The following SWAP70 variants were observed in gnomAD, a reference collection of about 807,000 sequenced individuals.
SWAP70 encodes the protein switching B cell complex subunit SWAP70.
SWAP70 carries 34 observed loss-of-function variants against 80.2 expected under a neutral mutation model. The ratio of observed to expected loss-of-function variants is 0.42; its 90% CI spans 0.32 to 0.56. The LOEUF is 0.56. SWAP70 is among the 20% of genes least tolerant of loss of function. The pLI is 0.09. For synonymous variants in SWAP70, 239 were observed against 238.5 expected (o/e 1.00, Z -0.02); for missense variants, 578 against 690.7 (o/e 0.84, Z 1.83).
intron 1 of SWAP70, among the ~76,000 whole-genome samples, chr11:9,683,838 G>T (rs1850597803): frequency 6.6e-6 from 1 of 152,040 alleles, no homozygotes; most frequent in African/African-American, 2.4e-5. Flanking sequence ...TACTTGAGGG[G>T]GCATCTGAGT....
chr11:9,718,316 AG>A (rs917194372), intron 3 of SWAP70, among the ~76,000 whole-genome samples: 13 of 152,206 alleles, frequency 8.5e-5, no homozygotes, highest in African/African-American at 2.7e-4. Flanking sequence ...CTCTGGGGCC[AG>A]GAGTGCTTGT....
At chr11:9,724,320 C>G (rs1400939386) in intron 3 of SWAP70, among the ~76,000 whole-genome samples, 2 of 152,158 alleles carry the variant, frequency 1.3e-5, no homozygotes, top group Non-Finnish European at 2.9e-5. Context: ...GACTAATGTT[C>G]TGATATATTG....
intron 2 of SWAP70, among the ~76,000 whole-genome samples, chr11:9,705,170 T>C (rs1375320973): frequency 8.5e-6 from 1 of 117,878 alleles, no homozygotes; most frequent in Non-Finnish European, 1.9e-5. Flanking sequence ...GTGATATGTA[T>C]ATACTTGGTG....
chr11:9,671,616 ATTTC>A (rs1850397991), intron 1 of SWAP70, among the ~76,000 whole-genome samples: 1 of 79,444 alleles, frequency 1.3e-5, no homozygotes. Flanking sequence ...ATAGAAATAT[ATTTC>A]TATATAAATA....
At chr11:9,704,025 C>T (rs1283117937) in intron 2 of SWAP70, among the ~76,000 whole-genome samples, 1 of 152,124 alleles carries the variant, frequency 6.6e-6, no homozygotes, top group African/African-American at 2.4e-5. Context: ...ATATAATTCA[C>T]ATAACATAAA....
At chr11:9,726,132 A>G (rs1016612385) in intron 4 of SWAP70, among the ~76,000 whole-genome samples, 3 of 151,936 alleles carry the variant, frequency 2.0e-5, no homozygotes, top group Admixed American at 6.6e-5. Context: ...ATATGATTTT[A>G]TATTATTTTT....
intron 9 of SWAP70, among the ~76,000 whole-genome samples, chr11:9,742,596 A>G (rs1851455423): frequency 6.6e-6 from 1 of 152,114 alleles, no homozygotes; most frequent in African/African-American, 2.4e-5. Flanking sequence ...CGGTCTCCCA[A>G]AGTGCTGGGA....
intron 6 of SWAP70, among the ~76,000 whole-genome samples, chr11:9,731,962 G>C (rs997447205): frequency 6.6e-6 from 1 of 152,198 alleles, no homozygotes; most frequent in Admixed American, 6.5e-5. Flanking sequence ...ATAACAGTTA[G>C]ATAATGCATG....
At chr11:9,730,327 TAA>T (rs58068637) in intron 6 of SWAP70, among the ~76,000 whole-genome samples, 76,318 of 136,558 alleles carry the variant, frequency 0.56, 20,693 homozygotes, top group Middle Eastern at 0.75. Context: ...CGTCTCTACT[TAA>T]AAAAAAAAAA....
In SWAP70 at chr11:9,740,165, C is replaced by A. The variant is rs773386144; in HGVS notation, c.1189-16C>A. 2 of 1,609,152 alleles carry A rather than the reference C, an allele frequency of 1.2e-6. No individual in the cohort carries two copies. The highest frequency in any genetic ancestry group is 2.2e-5 in the South Asian group (2 of 90,554). On this transcript the variant is annotated splice_polypyrimidine_tract_variant and intron_variant, in intron 8 of 11. Coordinates refer to ENST00000318950, the MANE Select transcript of SWAP70 (RefSeq NM_015055.4). ...AAGTCAACCTGCATTTAAACAAGAC[C>A]CTTTTATACCAACAGATCAGACAGC... is the stretch of plus-strand genomic sequence containing the variant.
chr11:9,746,372 A>G (rs11821544), intron 9 of SWAP70, among the ~76,000 whole-genome samples: 15,108 of 152,220 alleles, frequency 0.099, 1,909 homozygotes, highest in East Asian at 0.28. Context: ...TTTTACCACT[A>G]GAATGAAAAA....
Position 9,664,230 on chromosome 11 carries a change from C to A in SWAP70, c.51C>A (p.Thr17=). The change falls in exon 1 of 12, where the codon ACC becomes ACA. Residue 17 remains threonine, a synonymous_variant. Transcript: ENST00000318950. ...ELLKAIWHAF[T]ALDQDHSGKV... is the part of the protein sequence containing the mutation. ...TCAAAGCCATCTGGCACGCCTTCAC[C>A]GCACTCGACCAGGACCACAGCGGCA... 2 of 1,595,194 alleles carry A rather than the reference C, an allele frequency of 1.3e-6. No individual in the cohort carries two copies. The highest frequency in any genetic ancestry group is 1.3e-5 in the African/African-American group (1 of 74,514).
chr11:9,704,144 C>T (rs530524119), intron 2 of SWAP70, among the ~76,000 whole-genome samples: 21 of 152,130 alleles, frequency 1.4e-4, no homozygotes, highest in Admixed American at 4.6e-4. Context: ...CCAGTATGTT[C>T]TATAATATTT....
At chr11:9,668,973 C>T (rs920368101) in intron 1 of SWAP70, among the ~76,000 whole-genome samples, 1 of 152,166 alleles carries the variant, frequency 6.6e-6, no homozygotes, top group Non-Finnish European at 1.5e-5. Flanking sequence ...AAAGAAGGCA[C>T]ACTCTCTCTC....
chr11:9,738,174 A>G (rs1851387822), intron 7 of SWAP70, 39 bp from the exon 8 acceptor site: 1 of 1,504,308 alleles, frequency 6.6e-7, no homozygotes. Flanking sequence ...CTTCTACTCT[A>G]ACACCTGCTT....
intron 2 of SWAP70, among the ~76,000 whole-genome samples, chr11:9,709,020 C>T (rs1156420790): frequency 1.4e-5 from 2 of 141,384 alleles, no homozygotes; most frequent in Non-Finnish European, 3.3e-5. Context: ...AGACTCCCAC[C>T]TCAGCCTCCT....
intron 1 of SWAP70, among the ~76,000 whole-genome samples, chr11:9,685,375 T>C (rs1397035147): frequency 6.6e-6 from 1 of 152,146 alleles, no homozygotes; most frequent in Non-Finnish European, 1.5e-5. Flanking sequence ...TACCACAGAC[T>C]AGGTAATTTA....
At chr11:9,667,875 A>C (rs565188756) in intron 1 of SWAP70, among the ~76,000 whole-genome samples, 1 of 151,938 alleles carries the variant, frequency 6.6e-6, no homozygotes, top group Non-Finnish European at 1.5e-5. Flanking sequence ...TTCACACTTT[A>C]TTACTATTAC....
chr11:9,685,255 G>T (rs1307562015), intron 1 of SWAP70, among the ~76,000 whole-genome samples: 9 of 152,166 alleles, frequency 5.9e-5, no homozygotes, highest in African/African-American at 2.2e-4. Context: ...TGGCTCAGAG[G>T]AGTTAATTTT....
Sources: allele counts gnomAD v4.1 joint callset (sites outside exome capture counted in the v4.1 genomes callset), GRCh38; gene constraint gnomAD v4.1.1; transcripts MANE v1.5; gene names NCBI Gene and HGNC (gene_info 2026-07-23, HGNC 2026-07-21).